The following RYR2 variants were observed in gnomAD, a reference collection of about 807,000 sequenced individuals.
RYR2 encodes ryanodine receptor 2.
Under a neutral mutation model 601.1 loss-of-function variants are expected in RYR2, and 227 were observed. That is an observed-to-expected ratio of 0.38 (90% confidence interval 0.34 to 0.42). The LOEUF is 0.42. RYR2 is among the 10% of genes least tolerant of loss of function. RYR2 has a pLI of 1.00. For synonymous variants in RYR2, 2,223 were observed against 2,175.1 expected, an observed-to-expected ratio of 1.02 and a Z score of -0.61; for missense variants, 4,646 against 6,156.5, an observed-to-expected ratio of 0.75 and a Z score of 8.21.
At chr1:237,126,110 G>A (rs981199888) in intron 1 of RYR2, among the ~76,000 whole-genome samples, 6 of 152,160 alleles carry the variant, frequency 3.9e-5, no homozygotes, top group South Asian at 2.1e-4. Flanking sequence ...GGTGGCGGGC[G>A]CCTGTAATCC....
intron 39 of RYR2, 111 bp from the exon 40 acceptor site, chr1:237,625,550 T>C: frequency 9.4e-7 from 1 of 1,065,422 alleles, no homozygotes; most frequent in Non-Finnish European, 1.4e-6. Context: ...ATGTTAGATG[T>C]TTTTGACATT....
chr1:237,737,354 G>A (rs1691239750), intron 79 of RYR2, among the ~76,000 whole-genome samples: 1 of 152,062 alleles, frequency 6.6e-6, no homozygotes. Flanking sequence ...GTTACACTCG[G>A]CACATTCTCC....
chr1:237,203,961 G>A (rs1240218861), intron 1 of RYR2, among the ~76,000 whole-genome samples: 1 of 152,118 alleles, frequency 6.6e-6, no homozygotes, highest in Non-Finnish European at 1.5e-5. Context: ...GCTCGTTTGT[G>A]TCTGGCTTCT....
intron 6 of RYR2, among the ~76,000 whole-genome samples, chr1:237,370,804 G>A (rs970789068): frequency 6.6e-6 from 1 of 151,924 alleles, no homozygotes; most frequent in Non-Finnish European, 1.5e-5. Context: ...GGGACTACAG[G>A]TGCCCGCCAC....
chr1:237,247,314 T>C (rs1686953144), intron 1 of RYR2, among the ~76,000 whole-genome samples: 1 of 152,246 alleles, frequency 6.6e-6, no homozygotes, highest in South Asian at 2.1e-4. Context: ...TACACTTTTC[T>C]TGTCATTTCC....
intron 59 of RYR2, 113 bp from the exon 60 acceptor site, chr1:237,674,618 T>C (rs549220254): frequency 6.0e-6 from 3 of 504,120 alleles, no homozygotes; most frequent in African/African-American, 5.9e-5. Context: ...AATTTATATA[T>C]ATAGATAAAC....
intron 80 of RYR2, among the ~76,000 whole-genome samples, chr1:237,744,921 C>T (rs1398912124): frequency 2.0e-5 from 3 of 151,462 alleles, no homozygotes; most frequent in African/African-American, 4.8e-5. Context: ...CTCAGCCTCC[C>T]GAGTAGCTAG....
chr1:237,747,602 A>G (rs1692191275), intron 80 of RYR2, among the ~76,000 whole-genome samples: 1 of 152,234 alleles, frequency 6.6e-6, no homozygotes, highest in African/African-American at 2.4e-5. Flanking sequence ...CTAACTTTCA[A>G]TAGAATACAA....
At chr1:237,055,230 T>A (rs571965850) in intron 1 of RYR2, among the ~76,000 whole-genome samples, 7 of 152,220 alleles carry the variant, frequency 4.6e-5, no homozygotes, top group African/African-American at 1.7e-4. Flanking sequence ...TGTGTCATCC[T>A]GGGGGGACTG....
At chr1:237,832,092 C>T (rs2102962875) in intron 104 of RYR2, among the ~76,000 whole-genome samples, 1 of 152,196 alleles carries the variant, frequency 6.6e-6, no homozygotes, top group Admixed American at 6.5e-5. Flanking sequence ...TTGCCAAGTT[C>T]AAGTGGCATG....
intron 1 of RYR2, among the ~76,000 whole-genome samples, chr1:237,092,300 G>C (rs1667043263): frequency 6.6e-6 from 1 of 152,122 alleles, no homozygotes; most frequent in South Asian, 2.1e-4. Context: ...GTACGCTCCA[G>C]ATGGCCATTT....
At chr1:237,779,194 C>T (rs2149336967) in intron 88 of RYR2, among the ~76,000 whole-genome samples, 1 of 152,244 alleles carries the variant, frequency 6.6e-6, no homozygotes, top group South Asian at 2.1e-4. Context: ...AGCAGATGTT[C>T]TCAGTAGGGC....
At chr1:237,699,361 T>A (rs1160812662) in intron 64 of RYR2, among the ~76,000 whole-genome samples, 3 of 152,190 alleles carry the variant, frequency 2.0e-5, no homozygotes, top group Admixed American at 1.3e-4. Context: ...TTAACATTCA[T>A]AATAACATTT....
intron 1 of RYR2, among the ~76,000 whole-genome samples, chr1:237,190,147 C>T (rs1420650891): frequency 6.6e-6 from 1 of 152,042 alleles, no homozygotes; most frequent in East Asian, 1.9e-4. Flanking sequence ...CTTTGGCCTC[C>T]CAAAGTGCTG....
At position 237,787,983 on chromosome 1, in the gene RYR2, C is replaced by T; in HGVS notation, c.13329-5C>T. 1.3e-6 allele frequency: 2 copies of T among 1,581,632 alleles called. No individual in the cohort carries two copies. The highest frequency in any genetic ancestry group is 1.7e-6 in the Non-Finnish European group (2 of 1,162,712). ...AGCTTATGTTTTGTTTGTTTGTTTT[C>T]ATAGGGGAGAAGATGGAGAAAAAGA... On this transcript the variant is annotated splice_polypyrimidine_tract_variant and splice_region_variant and intron_variant, in intron 91 of 104. Transcript: ENST00000366574.
chr1:237,423,434 C>A (rs570523464), intron 12 of RYR2, among the ~76,000 whole-genome samples, 186 bp downstream of exon 12: 2 of 152,096 alleles, frequency 1.3e-5, no homozygotes, highest in Non-Finnish European at 2.9e-5. Flanking sequence ...CCATTAAAAC[C>A]TGCCTATAGA....
intron 1 of RYR2, among the ~76,000 whole-genome samples, chr1:237,243,057 G>C (rs1454240150): frequency 6.6e-6 from 1 of 151,354 alleles, no homozygotes; most frequent in Non-Finnish European, 1.5e-5. Context: ...TTTTCCCCAG[G>C]TGTTTCCAAA....
chr1:237,154,646 C>CA (rs947192854), intron 1 of RYR2, among the ~76,000 whole-genome samples: 22 of 150,146 alleles, frequency 1.5e-4, no homozygotes, highest in African/African-American at 3.2e-4. Context: ...GACCCTATCT[C>CA]AAAAAAAAAT....
intron 61 of RYR2, among the ~76,000 whole-genome samples, chr1:237,678,759 G>A (rs943438734): frequency 4.6e-5 from 7 of 152,116 alleles, no homozygotes; most frequent in Admixed American, 4.6e-4. Flanking sequence ...GTCTAGTGTG[G>A]GTCAGGCATT....
Sources: gnomAD v4.1 joint callset for allele counts (sites outside exome capture counted in the v4.1 genomes callset) on GRCh38, gnomAD v4.1.1 for gene constraint, MANE v1.5 for transcripts, NCBI Gene and HGNC (gene_info 2026-07-23, HGNC 2026-07-21) for gene names.